The following FRMPD2 variants were observed in gnomAD, a reference collection of about 807,000 sequenced individuals.
The protein encoded by FRMPD2 is FERM and PDZ domain-containing protein 2.
In FRMPD2, 96 loss-of-function variants were observed where a neutral mutation model predicts 140.1. The observed-to-expected ratio is 0.69, with a 90% CI of 0.58 to 0.81. The LOEUF (loss-of-function observed/expected upper bound fraction) is 0.81, where lower values mean the gene tolerates loss of function less well. Ranked by LOEUF, FRMPD2 falls within the 40% of genes least tolerant of loss-of-function variation. The pLI is 0.00. For synonymous variants in FRMPD2, 449 were observed against 547.6 expected (o/e 0.82, Z 2.52); for missense variants, 1,240 against 1,447.4 (o/e 0.86, Z 2.32).
intron 1 of FRMPD2, among the ~76,000 whole-genome samples, chr10:48,267,381 C>T (rs1034659758): frequency 2.6e-5 from 4 of 152,174 alleles, no homozygotes; most frequent in Non-Finnish European, 5.9e-5. Flanking sequence ...ATTAGAAACA[C>T]TATGGGTGGG....
At chr10:48,254,031 G>A (rs1840442230) in intron 1 of FRMPD2, among the ~76,000 whole-genome samples, 1 of 151,716 alleles carries the variant, frequency 6.6e-6, no homozygotes, top group Non-Finnish European at 1.5e-5. Context: ...CCAGGAGTCA[G>A]TGACAGGAAA....
At chr10:48,270,806 A>G (rs1564445708) in intron 1 of FRMPD2, among the ~76,000 whole-genome samples, 1 of 151,230 alleles carries the variant, frequency 6.6e-6, no homozygotes, top group Non-Finnish European at 1.5e-5. Flanking sequence ...TCTCCTTCCC[A>G]TCCCTCAACT....
intron 2 of FRMPD2, among the ~76,000 whole-genome samples, chr10:48,251,356 C>G (rs551171743): frequency 6.6e-6 from 1 of 152,268 alleles, no homozygotes; most frequent in African/African-American, 2.4e-5. Flanking sequence ...GTCCAAGAGT[C>G]AGGCCTGCCC....
intron 15 of FRMPD2, among the ~76,000 whole-genome samples, chr10:48,194,427 C>T (rs550837682): frequency 2.0e-5 from 3 of 152,222 alleles, no homozygotes; most frequent in South Asian, 4.2e-4. Flanking sequence ...TTCTGTTTAC[C>T]GGGGCCCAAA....
At chr10:48,205,254 TTAAG>T (rs1048161255) in intron 14 of FRMPD2, among the ~76,000 whole-genome samples, 43 of 152,350 alleles carry the variant, frequency 2.8e-4, no homozygotes, top group African/African-American at 9.1e-4. Context: ...GAAACCCTGA[TTAAG>T]TATTTTTTGA....
At chr10:48,210,504 C>T (rs570913650) in intron 13 of FRMPD2, among the ~76,000 whole-genome samples, 3 of 152,322 alleles carry the variant, frequency 2.0e-5, no homozygotes, top group South Asian at 4.1e-4. Context: ...CAGAAGGTAG[C>T]GTCCATCCTG....
chr10:48,219,792 T>A (rs1486788023), intron 12 of FRMPD2, among the ~76,000 whole-genome samples: 1 of 152,250 alleles, frequency 6.6e-6, no homozygotes, highest in African/African-American at 2.4e-5. Flanking sequence ...GGACTATCAT[T>A]GGCAGTTAAA....
At chr10:48,205,479 AT>A (rs1366093426) in intron 14 of FRMPD2, among the ~76,000 whole-genome samples, 2 of 152,366 alleles carry the variant, frequency 1.3e-5, no homozygotes, top group African/African-American at 4.8e-5. Context: ...GGTTACCTGC[AT>A]TTTTATGAAT....
rs1838455439 is a variant in FRMPD2, at chr10:48,178,128, T to G, written c.2814A>C (p.Pro938=). ...PLKGAGSSCP[P]SPPEISAGEI... is the part of the protein sequence containing the mutation. Reference sequence around the variant, plus strand: ...CACCAGCACTGATTTCTGGAGGTGATGGAGGACAAGAAGAACCAGCACCCT... The same window carrying G: ...CACCAGCACTGATTTCTGGAGGTGAGGGAGGACAAGAAGAACCAGCACCCT... The change falls in exon 22 of 29, where the codon CCA becomes CCC. Residue 938 remains proline (P), a synonymous_variant. Transcript: ENST00000374201. The G allele has an allele frequency of 1.3e-6, 2 of 1,564,038 alleles. No individual in the cohort carries two copies.
At chr10:48,174,144 A>G (rs1446659587) in intron 24 of FRMPD2, among the ~76,000 whole-genome samples, 4 of 152,134 alleles carry the variant, frequency 2.6e-5, no homozygotes, top group African/African-American at 9.7e-5. Flanking sequence ...TGGCCAGAAC[A>G]TTGCCCCAAG....
At chr10:48,255,540 A>C (rs1313005883) in intron 1 of FRMPD2, among the ~76,000 whole-genome samples, 1 of 152,210 alleles carries the variant, frequency 6.6e-6, no homozygotes. Context: ...GCTCTGTACT[A>C]CCAGTAGAAT....
At chr10:48,225,893 T>A (rs1025295222) in intron 10 of FRMPD2, among the ~76,000 whole-genome samples, 1 of 152,194 alleles carries the variant, frequency 6.6e-6, no homozygotes, top group Non-Finnish European at 1.5e-5. Context: ...ATTCGAGATC[T>A]GGTTTTATAG....
At chr10:48,199,998 G>A (rs1003961924) in intron 15 of FRMPD2, among the ~76,000 whole-genome samples, 7 of 152,044 alleles carry the variant, frequency 4.6e-5, no homozygotes, top group South Asian at 2.1e-4. Context: ...ACCCCATGTC[G>A]CTGGAGGAGA....
chr10:48,272,970 T>C (rs1840794916), intron 1 of FRMPD2, among the ~76,000 whole-genome samples: 1 of 152,168 alleles, frequency 6.6e-6, no homozygotes, highest in South Asian at 2.1e-4. Context: ...ACCAAGGGTA[T>C]AAGAGTTCAG....
chr10:48,187,462 C>T (rs962648172), intron 16 of FRMPD2, among the ~76,000 whole-genome samples, 170 bp from the exon 17 acceptor site: 6 of 152,180 alleles, frequency 3.9e-5, no homozygotes, highest in African/African-American at 9.6e-5. Flanking sequence ...GGGACCCCAT[C>T]GAGGGCTGAT....
Position 48,188,984 on chromosome 10 carries a change from G to A in FRMPD2, c.2166-1692C>T, listed in dbSNP as rs145568595. The stretch of plus-strand genomic sequence containing the variant: ...GGGTGCAGTTTCAATTTGGGAAGAC[G>A]GACAGAGCTCTGGGGATGGACTTTC... On this transcript the variant is annotated intron_variant, in intron 16 of 28. Coordinates refer to ENST00000374201, the MANE Select transcript of FRMPD2 (RefSeq NM_001018071.4). Among the ~76,000 whole-genome samples the A allele has an allele frequency of 3.4e-3, 515 of 152,254 alleles. 6 individuals carry two copies. Among genetic ancestry groups the A allele is most frequent in the African/African-American group, 0.011 (477 of 41,544 alleles).
At chr10:48,207,423 C>T (rs140635970) in intron 13 of FRMPD2, among the ~76,000 whole-genome samples, 25 of 152,212 alleles carry the variant, frequency 1.6e-4, no homozygotes, top group Non-Finnish European at 2.6e-4. Context: ...TAGTTGTGAA[C>T]CACCCTGCAG....
At chr10:48,228,487 C>T (rs1471690315) in intron 10 of FRMPD2, among the ~76,000 whole-genome samples, 1 of 151,756 alleles carries the variant, frequency 6.6e-6, no homozygotes, top group Non-Finnish European at 1.5e-5. Flanking sequence ...CTTTTGTCTC[C>T]TCATTGTAGA....
At chr10:48,216,703 C>G (rs1839459324) in intron 12 of FRMPD2, among the ~76,000 whole-genome samples, 1 of 152,210 alleles carries the variant, frequency 6.6e-6, no homozygotes, top group Non-Finnish European at 1.5e-5. Context: ...TTCACCCTTA[C>G]AGCAGTTTTG....
Sources: allele counts gnomAD v4.1 joint callset (sites outside exome capture counted in the v4.1 genomes callset), GRCh38; gene constraint gnomAD v4.1.1; transcripts MANE v1.5; gene names NCBI Gene and HGNC (gene_info 2026-07-23, HGNC 2026-07-21).